BMAL2: variants seen among roughly 807,000 people sequenced by gnomAD.
The protein encoded by BMAL2 is basic helix-loop-helix ARNT like 2.
At chr12:27,361,051 G>A in the BMAL2 span, among the ~76,000 whole-genome samples, 4 of 152,080 alleles carry the variant, frequency 2.6e-5, no homozygotes, top group Admixed American at 6.6e-5. Context: ...TGGAACAAAA[G>A]TTTTAAACTT....
chr12:27,344,431 A>G, the BMAL2 span, among the ~76,000 whole-genome samples: 2 of 152,220 alleles, frequency 1.3e-5, no homozygotes, highest in African/African-American at 2.4e-5. Context: ...TAGGAGATAT[A>G]TATTAAGAGA....
the BMAL2 span, among the ~76,000 whole-genome samples, chr12:27,379,704 G>A: frequency 2.4e-4 from 37 of 152,222 alleles, no homozygotes; most frequent in African/African-American, 8.4e-4. Context: ...ATGGACAGAT[G>A]CCTGGGAAAT....
the BMAL2 span, among the ~76,000 whole-genome samples, chr12:27,416,801 T>G: frequency 6.6e-6 from 1 of 152,000 alleles, no homozygotes; most frequent in African/African-American, 2.4e-5. Context: ...CTAAAAAAGA[T>G]TTTTTAAAAT....
the BMAL2 span, among the ~76,000 whole-genome samples, chr12:27,335,897 A>G: frequency 6.6e-6 from 1 of 152,102 alleles, no homozygotes; most frequent in Non-Finnish European, 1.5e-5. Context: ...ATATAGGGAA[A>G]GCCAAAATAT....
At chr12:27,378,944 T>C in the BMAL2 span, among the ~76,000 whole-genome samples, 2 of 152,110 alleles carry the variant, frequency 1.3e-5, no homozygotes, top group Admixed American at 1.3e-4. Flanking sequence ...GGGTATCCAA[T>C]CGTTTGGTTT....
the BMAL2 span, among the ~76,000 whole-genome samples, chr12:27,375,924 G>C: frequency 6.6e-6 from 1 of 152,124 alleles, no homozygotes; most frequent in African/African-American, 2.4e-5. Flanking sequence ...TTGATTAAAG[G>C]TCTGGGATTC....
the BMAL2 span, chr12:27,420,393 T>C: frequency 1.2e-6 from 2 of 1,614,004 alleles, no homozygotes; most frequent in South Asian, 1.1e-5. Context: ...TTTTAATTCA[T>C]AGGTGATGGT....
the BMAL2 span, among the ~76,000 whole-genome samples, chr12:27,333,549 C>G: frequency 1.3e-5 from 2 of 152,266 alleles, no homozygotes; most frequent in African/African-American, 4.8e-5. Flanking sequence ...TTGTCAGCAG[C>G]CTCGGACCTA....
chr12:27,400,717 C>T, the BMAL2 span: 1 of 1,612,800 alleles, frequency 6.2e-7, no homozygotes, highest in Non-Finnish European at 8.5e-7. Flanking sequence ...AATGTGAAAC[C>T]AACTGAATTT....
chr12:27,339,750 C>T, the BMAL2 span, among the ~76,000 whole-genome samples: 1 of 152,048 alleles, frequency 6.6e-6, no homozygotes, highest in African/African-American at 2.4e-5. Context: ...TCAGCCTCCC[C>T]AGCAGCTGGA....
chr12:27,408,834 T>C, the BMAL2 span, among the ~76,000 whole-genome samples: 1 of 152,152 alleles, frequency 6.6e-6, no homozygotes, highest in East Asian at 1.9e-4. Context: ...TGATTGTATA[T>C]CTAGAAAACC....
At chr12:27,387,448 C>A in the BMAL2 span, 1 of 656,730 alleles carries the variant, frequency 1.5e-6, no homozygotes, top group Non-Finnish European at 2.6e-6. Context: ...AGTTAGAACT[C>A]CAAGAGAGAT....
chr12:27,415,404 T>C, the BMAL2 span, among the ~76,000 whole-genome samples: 2 of 152,328 alleles, frequency 1.3e-5, no homozygotes, highest in East Asian at 3.9e-4. Flanking sequence ...CATTTTTTTC[T>C]CTATGTGTGT....
At chr12:27,381,746 G>A in the BMAL2 span, among the ~76,000 whole-genome samples, 460 of 152,238 alleles carry the variant, frequency 3.0e-3, no homozygotes, top group Middle Eastern at 6.8e-3. Flanking sequence ...TAGAGTTTTC[G>A]ATTTACCAAT....
chr12:27,398,137 ACTT>A, the BMAL2 span, among the ~76,000 whole-genome samples: 1 of 152,020 alleles, frequency 6.6e-6, no homozygotes, highest in Non-Finnish European at 1.5e-5. Flanking sequence ...CCTCAAATAA[ACTT>A]CTTATATTTG....
At chr12:27,346,097 A>T in the BMAL2 span, among the ~76,000 whole-genome samples, 1 of 152,216 alleles carries the variant, frequency 6.6e-6, no homozygotes, top group South Asian at 2.1e-4. Flanking sequence ...ACTGGACTTG[A>T]TAACTGTTTT....
At chr12:27,343,679 C>T in the BMAL2 span, among the ~76,000 whole-genome samples, 2 of 152,146 alleles carry the variant, frequency 1.3e-5, no homozygotes, top group Non-Finnish European at 2.9e-5. Context: ...ATCAGTCAGG[C>T]CTAGAACAAG....
the BMAL2 span, chr12:27,380,132 G>A: frequency 6.9e-6 from 7 of 1,008,116 alleles, no homozygotes; most frequent in Non-Finnish European, 8.7e-6. Context: ...GGCCCAAGTG[G>A]GGAGGAAGAA....
chr12:27,379,571 G>C, the BMAL2 span, among the ~76,000 whole-genome samples: 1 of 152,166 alleles, frequency 6.6e-6, no homozygotes, highest in African/African-American at 2.4e-5. Flanking sequence ...GACCAGGGGA[G>C]AATGAGAAGT....
Sources: gnomAD v4.1 joint callset for allele counts (sites outside exome capture counted in the v4.1 genomes callset) on GRCh38, gnomAD v4.1.1 for gene constraint, MANE v1.5 for transcripts, NCBI Gene and HGNC (gene_info 2026-07-23, HGNC 2026-07-21) for gene names.